Variants in PCDH9 observed in about 807,000 individuals in gnomAD.
PCDH9 encodes the protein protocadherin 9.
In PCDH9, 24 loss-of-function variants were observed where a neutral mutation model predicts 70.6. The observed-to-expected ratio is 0.34, with a 90% CI of 0.25 to 0.48. The LOEUF (loss-of-function observed/expected upper bound fraction) is 0.48, where lower values mean the gene tolerates loss of function less well. Among genes scored for constraint, PCDH9 ranks in the 20% least tolerant of loss-of-function variants. The pLI is 0.99. For synonymous variants in PCDH9, 562 were observed against 558.5 expected (o/e 1.01, Z -0.09); for missense variants, 1,281 against 1,503.6 (o/e 0.85, Z 2.45).
chr13:66,573,798 G>A (rs2076772525), intron 4 of PCDH9, among the ~76,000 whole-genome samples: 1 of 152,044 alleles, frequency 6.6e-6, no homozygotes, highest in Non-Finnish European at 1.5e-5. Flanking sequence ...GAAATGCAAT[G>A]CAATTATCAG....
chr13:66,667,874 A>C (rs1025756257), intron 3 of PCDH9, among the ~76,000 whole-genome samples: 5 of 152,204 alleles, frequency 3.3e-5, no homozygotes, highest in Non-Finnish European at 7.3e-5. Flanking sequence ...ATATTAACTA[A>C]GTAGTGGGGA....
chr13:66,427,657 T>G (rs893838046), intron 4 of PCDH9, among the ~76,000 whole-genome samples: 6 of 151,760 alleles, frequency 4.0e-5, no homozygotes, highest in African/African-American at 1.4e-4. Context: ...TATAAAACTT[T>G]TAGCCTCTTC....
chr13:67,195,042 G>A (rs1029875062), intron 2 of PCDH9, among the ~76,000 whole-genome samples: 1 of 152,112 alleles, frequency 6.6e-6, no homozygotes, highest in Admixed American at 6.6e-5. Context: ...ATTTCCGTAA[G>A]AGGATGTTAT....
intron 4 of PCDH9, among the ~76,000 whole-genome samples, chr13:66,457,207 GC>G (rs1309385444): frequency 1.3e-5 from 2 of 151,908 alleles, no homozygotes; most frequent in African/African-American, 4.8e-5. Context: ...ATGGATTATG[GC>G]ATACTCATTA....
At chr13:66,346,168 C>T (rs959902349) in intron 4 of PCDH9, among the ~76,000 whole-genome samples, 6 of 152,078 alleles carry the variant, frequency 3.9e-5, no homozygotes, top group Non-Finnish European at 8.8e-5. Context: ...ACCACCGAGC[C>T]AAATGTGTTT....
chr13:67,077,194 A>G (rs942749053), intron 2 of PCDH9, among the ~76,000 whole-genome samples: 6 of 152,038 alleles, frequency 3.9e-5, no homozygotes, highest in African/African-American at 1.4e-4. Context: ...CCTGATCAAC[A>G]TTGCCCATTA....
intron 4 of PCDH9, among the ~76,000 whole-genome samples, chr13:66,545,234 G>A (rs1961134413): frequency 6.6e-6 from 1 of 152,092 alleles, no homozygotes; most frequent in East Asian, 1.9e-4. Flanking sequence ...TATTTGCATT[G>A]AGAAATCTAC....
intron 4 of PCDH9, among the ~76,000 whole-genome samples, chr13:66,414,781 A>T (rs571258335): frequency 6.6e-6 from 1 of 152,210 alleles, no homozygotes; most frequent in African/African-American, 2.4e-5. Context: ...TTTCAACGTG[A>T]AAACTATTAT....
At chr13:66,912,530 CACACAT>C (rs947945844) in intron 2 of PCDH9, among the ~76,000 whole-genome samples, 10 of 151,962 alleles carry the variant, frequency 6.6e-5, no homozygotes, top group African/African-American at 2.4e-4. Context: ...CACACACACA[CACACAT>C]ACACACCATG....
intron 3 of PCDH9, among the ~76,000 whole-genome samples, chr13:66,823,826 C>T (rs902215353): frequency 2.6e-5 from 4 of 152,022 alleles, no homozygotes; most frequent in Admixed American, 1.3e-4. Flanking sequence ...AAGGCTTGTT[C>T]TAGTAAACAA....
At chr13:66,660,670 A>T (rs1486392287) in intron 3 of PCDH9, among the ~76,000 whole-genome samples, 2 of 152,202 alleles carry the variant, frequency 1.3e-5, no homozygotes, top group Non-Finnish European at 2.9e-5. Context: ...GTTATTTACA[A>T]TATACTATTA....
intron 3 of PCDH9, among the ~76,000 whole-genome samples, chr13:66,708,009 T>A (rs1163437110): frequency 6.6e-6 from 1 of 152,212 alleles, no homozygotes; most frequent in Non-Finnish European, 1.5e-5. Context: ...AAGAAAATCT[T>A]TAAATTGAAC....
At chr13:66,869,956 G>GT (rs1393258707) in intron 3 of PCDH9, among the ~76,000 whole-genome samples, 1 of 152,158 alleles carries the variant, frequency 6.6e-6, no homozygotes, top group East Asian at 1.9e-4. Flanking sequence ...TTTGGCTTTT[G>GT]TTGCCATTGC....
chr13:66,402,011 G>A (rs1957196699), intron 4 of PCDH9, among the ~76,000 whole-genome samples: 1 of 152,176 alleles, frequency 6.6e-6, no homozygotes, highest in African/African-American at 2.4e-5. Context: ...TGACCAGGAG[G>A]TTGACCAAGT....
intron 4 of PCDH9, among the ~76,000 whole-genome samples, chr13:66,561,037 C>T (rs1237069636): frequency 6.6e-6 from 1 of 152,220 alleles, no homozygotes. Context: ...CCGGAGCCGG[C>T]TGCCTCAGCT....
At chr13:67,129,235 AAAAACAAAAC>A (rs879615685) in intron 2 of PCDH9, among the ~76,000 whole-genome samples, 1 of 152,180 alleles carries the variant, frequency 6.6e-6, no homozygotes, top group African/African-American at 2.4e-5. Flanking sequence ...GAAAGAAGGG[AAAAACAAAAC>A]AAAACAAAAC....
chr13:66,781,463 A>G (rs986094531), intron 3 of PCDH9, among the ~76,000 whole-genome samples: 1 of 152,208 alleles, frequency 6.6e-6, no homozygotes, highest in Admixed American at 6.6e-5. Flanking sequence ...TACTGATATT[A>G]CAAAGGAATT....
chr13:66,351,641 G>T (rs986661252), intron 4 of PCDH9, among the ~76,000 whole-genome samples: 1 of 151,898 alleles, frequency 6.6e-6, no homozygotes, highest in African/African-American at 2.4e-5. Context: ...ATCACTTAGG[G>T]TATTATTATC....
At chr13:66,698,895 CTTTTTTTTTTT>C (rs67333897) in intron 3 of PCDH9, among the ~76,000 whole-genome samples, 893 of 61,200 alleles carry the variant, frequency 0.015, 22 homozygotes, top group Middle Eastern at 0.1. Context: ...CTCAATTCCT[CTTTTTTTTTTT>C]TTTTTTTTTT....
Sources: gnomAD v4.1 joint callset for allele counts (sites outside exome capture counted in the v4.1 genomes callset) on GRCh38, gnomAD v4.1.1 for gene constraint, MANE v1.5 for transcripts, NCBI Gene and HGNC (gene_info 2026-07-23, HGNC 2026-07-21) for gene names.